LAMA1: variants seen among roughly 807,000 people sequenced by gnomAD.
The protein encoded by LAMA1 is laminin subunit alpha 1.
LAMA1 carries 219 observed loss-of-function variants against 348.7 expected under a neutral mutation model. The observed-to-expected ratio is 0.63, with a 90% CI of 0.56 to 0.70. The LOEUF (loss-of-function observed/expected upper bound fraction) is 0.70, where lower values mean the gene tolerates loss of function less well. Ranked by LOEUF, LAMA1 falls within the 30% of genes least tolerant of loss-of-function variation. The probability of loss-of-function intolerance (pLI) is 0.00; values close to 1 mark genes in which losing one functional copy is unlikely to be tolerated. For missense variants in LAMA1, 3,744 were observed against 3,888.0 expected (o/e 0.96, Z 0.99); for synonymous variants, 1,487 against 1,491.0 (o/e 1.00, Z 0.06).
intron 7 of LAMA1, among the ~76,000 whole-genome samples, chr18:7,043,931 G>A (rs1022231735): frequency 1.3e-5 from 2 of 152,084 alleles, no homozygotes; most frequent in South Asian, 2.1e-4. Context: ...CGAGGCGGGC[G>A]GATCACGAGG....
chr18:6,979,016 C>T (rs775770496), intron 42 of LAMA1, among the ~76,000 whole-genome samples: 5 of 152,050 alleles, frequency 3.3e-5, no homozygotes, highest in African/African-American at 9.7e-5. Flanking sequence ...CATTCATTTT[C>T]GAAGCATTTA....
At chr18:7,087,396 A>G (rs1009041072) in intron 1 of LAMA1, among the ~76,000 whole-genome samples, 2 of 152,254 alleles carry the variant, frequency 1.3e-5, no homozygotes, top group East Asian at 3.8e-4. Flanking sequence ...GAAGAGAAAC[A>G]GATGATGCTC....
At position 7,027,474 on chromosome 18, in the gene LAMA1, T is replaced by TC. The variant is rs377546856; in HGVS notation, c.2275-1369_2275-1368insG. Among the ~76,000 whole-genome samples the TC allele has an allele frequency of 4.6e-5, 7 of 151,738 alleles. No homozygotes were observed. In the East Asian group the frequency reaches 1.4e-3, roughly 29 times the overall value. On this transcript the variant is annotated intron_variant, in intron 16 of 62. Coordinates refer to ENST00000389658, the MANE Select transcript of LAMA1 (RefSeq NM_005559.4). ...TACAAATCTTGGGTAAACTCCTAATTATTTCCAAATAAAGAGCTGGGTTTT... is the reference window on the plus strand; with the variant it reads ...TACAAATCTTGGGTAAACTCCTAATTCATTTCCAAATAAAGAGCTGGGTTTT...
At chr18:7,056,397 A>T (rs938817735) in intron 3 of LAMA1, among the ~76,000 whole-genome samples, 2 of 152,224 alleles carry the variant, frequency 1.3e-5, no homozygotes, top group African/African-American at 2.4e-5. Flanking sequence ...ATATGGAAAG[A>T]ACTAACAAGT....
chr18:6,979,070 A>G (rs1274738439), intron 42 of LAMA1, among the ~76,000 whole-genome samples: 6 of 152,202 alleles, frequency 3.9e-5, no homozygotes, highest in Non-Finnish European at 8.8e-5. Context: ...AAGCTGGAAA[A>G]AGGGTATACA....
chr18:6,948,501 A>AGCTGTTT lies in LAMA1; in HGVS notation c.8605_8611dup (p.Leu2871GlnfsTer28). 1 of 1,614,194 alleles carries AGCTGTTT rather than the reference A, an allele frequency of 6.2e-7. No individual in the cohort carries two copies. The highest frequency in any genetic ancestry group is 8.5e-7 in the Non-Finnish European group (1 of 1,180,034). On this transcript the variant is annotated frameshift_variant, in exon 60 of 63. Coordinates refer to ENST00000389658, the MANE Select transcript of LAMA1 (RefSeq NM_005559.4). LOFTEE classifies it high-confidence loss of function. ...GGCAGACACCGGGCTGTCCTTGTCCAGCTGTTTGCTGTTAACCGTCACATC... is the reference window on the plus strand; with the variant it reads ...GGCAGACACCGGGCTGTCCTTGTCCAGCTGTTTGCTGTTTGCTGTTAACCGTCACATC...
intron 1 of LAMA1, among the ~76,000 whole-genome samples, chr18:7,092,047 T>C (rs2058241686): frequency 1.3e-5 from 2 of 152,320 alleles, no homozygotes; most frequent in East Asian, 1.9e-4. Flanking sequence ...CAGACAAATA[T>C]ATTTAACAAC....
At position 7,038,875 on chromosome 18, in the gene LAMA1, A is replaced by C. The variant is rs376907008; in HGVS notation, c.1498T>G (p.Cys500Gly). ...YNLKEKNPRG[C>G]SECFCFGVSD... is the part of the protein sequence containing the mutation. Reference sequence around the variant, plus strand: ...ACGCCAAAGCAGAAGCACTCGGAGCAGCCCCGGGGGTTTTTTTCCTTCAAG... The same window carrying C: ...ACGCCAAAGCAGAAGCACTCGGAGCCGCCCCGGGGGTTTTTTTCCTTCAAG... The change falls in exon 11 of 63, where the codon TGC (cysteine) becomes GGC (glycine). Residue 500 changes from cysteine (C) to glycine (G), a missense_variant. Physicochemically the swap from Cys to Gly is radical, Grantham distance 159. This residue lies in a region of LAMA1 where 1,529 missense variants were observed against 1,689.4 expected (regional missense o/e 0.91). Coordinates refer to ENST00000389658, the MANE Select transcript of LAMA1 (RefSeq NM_005559.4). The C allele has an allele frequency of 6.2e-7, 1 of 1,614,198 alleles. No homozygotes were observed. The highest frequency in any genetic ancestry group is 8.5e-7 in the Non-Finnish European group (1 of 1,180,018).
At chr18:7,098,285 G>A (rs1406355149) in intron 1 of LAMA1, among the ~76,000 whole-genome samples, 3 of 152,126 alleles carry the variant, frequency 2.0e-5, no homozygotes, top group Admixed American at 2.0e-4. Flanking sequence ...TCTGGGAAGT[G>A]AGGAGTGTCT....
In LAMA1 at chr18:6,975,045, C is replaced by T. The variant is rs368658599; in HGVS notation, c.6490-9G>A. ...ACTGCAAGGAAATCAGACTGGGGGG[C>T]GAGGAATGAACGGGGATCAGTTTAC... is the stretch of plus-strand genomic sequence containing the variant. On this transcript the variant is annotated splice_polypyrimidine_tract_variant and intron_variant, in intron 45 of 62. Coordinates refer to ENST00000389658, the MANE Select transcript of LAMA1 (RefSeq NM_005559.4). The T allele has an allele frequency of 1.4e-5, 23 of 1,612,712 alleles. No homozygotes were observed. Among genetic ancestry groups the T allele is most frequent in the East Asian group, 4.5e-5 (2 of 44,792 alleles).
Position 6,961,725 on chromosome 18 carries a change from T to G in LAMA1, c.7487A>C (p.Tyr2496Ser). 6.2e-7 allele frequency: 1 copy of G among 1,614,164 alleles called. No homozygotes were observed. Among genetic ancestry groups the G allele is most frequent in the South Asian group, 1.1e-5 (1 of 91,078 alleles). Residue 2496 changes from tyrosine to serine, a missense_variant, in exon 53 of 63, where the codon TAC (tyrosine) becomes TCC (serine). Around this residue, in one of 3 missense-constraint regions of LAMA1, gnomAD observed 1,983 missense variants for 1,934.3 expected, o/e 1.03. Transcript: ENST00000389658. ...CAAAGATTTGGGTGGCAATTCAATG[T>G]AGCCGCCTTTCAGGAAGCTAACACT... ...IRSVSFLKGG[Y>S]IELPPKSLSP...
intron 1 of LAMA1, among the ~76,000 whole-genome samples, chr18:7,096,281 G>A (rs988532369): frequency 6.6e-6 from 1 of 152,214 alleles, no homozygotes; most frequent in Non-Finnish European, 1.5e-5. Flanking sequence ...GGAGAATATA[G>A]CAATGGGATA....
intron 5 of LAMA1, among the ~76,000 whole-genome samples, chr18:7,047,418 G>A (rs572786409): frequency 6.6e-6 from 1 of 152,226 alleles, no homozygotes; most frequent in South Asian, 2.1e-4. Context: ...CTCTGCCAAA[G>A]AGAATTAAAG....
At chr18:7,046,169 A>G (rs766708630) in intron 6 of LAMA1, 109 bp downstream of exon 6, 10 of 694,808 alleles carry the variant, frequency 1.4e-5, no homozygotes, top group Non-Finnish European at 2.2e-5. Flanking sequence ...TTTTTGGAGC[A>G]TAATTTTATA....
intron 55 of LAMA1, 110 bp from the exon 56 acceptor site, chr18:6,956,875 A>T (rs2057581540): frequency 1.6e-6 from 2 of 1,264,336 alleles, no homozygotes; most frequent in Non-Finnish European, 2.3e-6. Flanking sequence ...CCATGTATAT[A>T]TTTCTCTTAG....
intron 16 of LAMA1, among the ~76,000 whole-genome samples, chr18:7,028,781 G>T (rs1214722712): frequency 6.6e-6 from 1 of 152,200 alleles, no homozygotes; most frequent in South Asian, 2.1e-4. Context: ...AGGAGCAAAG[G>T]GGAGGGGTGC....
intron 1 of LAMA1, among the ~76,000 whole-genome samples, chr18:7,100,293 AAAT>A (rs1196757173): frequency 6.6e-6 from 1 of 152,180 alleles, no homozygotes; most frequent in Non-Finnish European, 1.5e-5. Flanking sequence ...GAGAAATACA[AAAT>A]AATACCATGA....
intron 36 of LAMA1, among the ~76,000 whole-genome samples, chr18:6,988,808 T>TAAAAA (rs1169877701): frequency 0.013 from 1,268 of 100,360 alleles, 70 homozygotes; most frequent in African/African-American, 0.036. Context: ...TCCGTCTCAA[T>TAAAAA]AAAAAAAAAA....
chr18:6,999,633 G>A lies in LAMA1; in HGVS notation c.4475C>T (p.Ser1492Phe), dbSNP rs2057798727. ...TTGAGGGTTCCCATAATAGCTTGAGGAGCACCTACAGAAAGGAAGGGACAT... is the reference window on the plus strand; with the variant it reads ...TTGAGGGTTCCCATAATAGCTTGAGAAGCACCTACAGAAAGGAAGGGACAT... ...GYEGKHCERC[S>F]SSYYGNPQTP... The change falls in exon 32 of 63, where the codon TCC becomes TTC. Residue 1492 changes from serine (S) to phenylalanine (F), a missense_variant. Ser to Phe is a radical substitution (Grantham distance 155). Around this residue, in one of 3 missense-constraint regions of LAMA1, gnomAD observed 1,983 missense variants for 1,934.3 expected, o/e 1.03. Transcript: ENST00000389658. The A allele has an allele frequency of 1.2e-6, 2 of 1,609,772 alleles. No homozygotes were observed. The highest frequency in any genetic ancestry group is 1.7e-6 in the Non-Finnish European group (2 of 1,178,094).
Sources: gnomAD v4.1 joint callset for allele counts (sites outside exome capture counted in the v4.1 genomes callset) on GRCh38, gnomAD v4.1.1 for gene constraint, gnomAD v4.1.1 regional missense constraint, MANE v1.5 for transcripts, NCBI Gene and HGNC (gene_info 2026-07-23, HGNC 2026-07-21) for gene names.